Variants in SEL1L observed in about 807,000 individuals in gnomAD.
SEL1L encodes the protein SEL1L adaptor subunit of SYVN1 ubiquitin ligase.
A neutral mutation model predicts 109.8 loss-of-function variants in SEL1L; 52 were observed. The observed-to-expected ratio is 0.47, with a 90% CI of 0.38 to 0.60. The LOEUF (loss-of-function observed/expected upper bound fraction) is 0.60, where lower values mean the gene tolerates loss of function less well. Among genes scored for constraint, SEL1L ranks in the 20% least tolerant of loss-of-function variants. The pLI is 0.00. For synonymous variants in SEL1L, 373 were observed against 339.6 expected (o/e 1.10, Z -1.08); for missense variants, 749 against 962.2 (o/e 0.78, Z 2.93).
At chr14:81,523,629 T>C (rs549637399) in intron 3 of SEL1L, among the ~76,000 whole-genome samples, 2 of 152,218 alleles carry the variant, frequency 1.3e-5, no homozygotes, top group East Asian at 1.9e-4. Context: ...AGCCAGTCTG[T>C]CAGAAGCACA....
chr14:81,532,870 C>T (rs1670159691), intron 1 of SEL1L, among the ~76,000 whole-genome samples: 1 of 152,086 alleles, frequency 6.6e-6, no homozygotes, highest in East Asian at 1.9e-4. Context: ...TTTATCAACA[C>T]TTAGAAACAC....
chr14:81,508,409 T>A (rs1884328042), intron 3 of SEL1L, among the ~76,000 whole-genome samples: 1 of 152,088 alleles, frequency 6.6e-6, no homozygotes, highest in Admixed American at 6.6e-5. Flanking sequence ...AGGACATCCC[T>A]ATACACTGCT....
intron 3 of SEL1L, among the ~76,000 whole-genome samples, chr14:81,525,508 T>C (rs2140059264): frequency 6.6e-6 from 1 of 152,032 alleles, no homozygotes; most frequent in East Asian, 1.9e-4. Flanking sequence ...AATACACACT[T>C]GGGTGAGGTA....
At chr14:81,533,548 G>A (rs1479059662) in intron 1 of SEL1L, 127 bp downstream of exon 1, 5 of 857,226 alleles carry the variant, frequency 5.8e-6, no homozygotes, top group Non-Finnish European at 5.5e-6. Flanking sequence ...AAGAGCGAGT[G>A]ACAGCCCAGT....
intron 20 of SEL1L, among the ~76,000 whole-genome samples, chr14:81,478,572 CT>C (rs1426286296): frequency 1.3e-5 from 2 of 152,148 alleles, no homozygotes; most frequent in African/African-American, 4.8e-5. Context: ...ACACGATCAG[CT>C]TTTAATTAAA....
At chr14:81,504,006 A>G (rs1884125237) in intron 5 of SEL1L, among the ~76,000 whole-genome samples, 195 bp downstream of exon 5, 2 of 152,208 alleles carry the variant, frequency 1.3e-5, no homozygotes, top group South Asian at 2.1e-4. Context: ...TGTAATCAGT[A>G]TAACAATTTT....
At position 81,472,132 on chromosome 14, in the gene SEL1L, A is replaced by C. The variant is rs1231036563; in HGVS notation, c.*4840T>G. 3 of 153,662 alleles carry C rather than the reference A, an allele frequency of 2.0e-5. No individual in the cohort carries two copies. The highest frequency in any genetic ancestry group is 4.3e-5 in the Non-Finnish European group (3 of 68,990). 9.5% of individuals were successfully genotyped at this position (153,662 alleles called of 1,614,324 possible). ...ATCAAGTTGCAGCCAATGAAGATGG[A>C]GGACATTCTAATGACTTGCCAGAAA... On this transcript the variant is annotated 3_prime_UTR_variant, in exon 21 of 21. Coordinates refer to ENST00000336735, the MANE Select transcript of SEL1L (RefSeq NM_005065.6).
intron 12 of SEL1L, among the ~76,000 whole-genome samples, chr14:81,491,566 G>C (rs1883537504): frequency 6.6e-6 from 1 of 152,188 alleles, no homozygotes; most frequent in East Asian, 1.9e-4. Context: ...GTATGATCAT[G>C]AGGCAAATCA....
Position 81,472,749 on chromosome 14 carries a change from G to A in SEL1L, c.*4223C>T, listed in dbSNP as rs911469111. The A allele has an allele frequency of 2.4e-5, 4 of 166,098 alleles. No homozygotes were observed. Among genetic ancestry groups the A allele is most frequent in the African/African-American group, 9.6e-5 (4 of 41,604 alleles). The allele number at this position is 166,098 out of a possible 1,614,324, so 10.3% of individuals were successfully genotyped here. A position where few individuals can be genotyped will look rare whatever the true frequency, so the allele number is the denominator to read the frequency against. On this transcript the variant is annotated 3_prime_UTR_variant, in exon 21 of 21. Transcript: ENST00000336735. The stretch of plus-strand genomic sequence containing the variant: ...TTCTCCCTAGGGCAATATTGGACTT[G>A]TAAAAATCTGAATTTCAGGAGTTTA...
In SEL1L at chr14:81,526,856, G is replaced by T; in HGVS notation, c.217C>A (p.Gln73Lys). Reference sequence around the variant, plus strand: ...CTCTTGAGGCTGTCTTCCTCTTCTTGAATAGAGGATTCTAATTCAGATTCT... The same window carrying T: ...CTCTTGAGGCTGTCTTCCTCTTCTTTAATAGAGGATTCTAATTCAGATTCT... ...SEESELESSI[Q>K]EEEDSLKSQE... is the part of the protein sequence containing the mutation. The change falls in exon 3 of 21, where the codon CAA becomes AAA. Residue 73 changes from glutamine to lysine, a missense_variant. Physicochemically the swap from Gln to Lys is moderately conservative, Grantham distance 53. Transcript: ENST00000336735. The T allele has an allele frequency of 6.2e-7, 1 of 1,600,590 alleles. No individual in the cohort carries two copies. The highest frequency in any genetic ancestry group is 8.5e-7 in the Non-Finnish European group (1 of 1,175,044).
chr14:81,530,525 T>C (rs1377898322), intron 1 of SEL1L, among the ~76,000 whole-genome samples: 3 of 152,036 alleles, frequency 2.0e-5, no homozygotes, highest in Non-Finnish European at 2.9e-5. Flanking sequence ...TACCTGGCAG[T>C]GGACCTAACT....
intron 13 of SEL1L, 115 bp downstream of exon 13, chr14:81,490,273 G>C: frequency 1.4e-6 from 1 of 739,486 alleles, no homozygotes; most frequent in African/African-American, 1.8e-5. Flanking sequence ...TTAATATGCA[G>C]TTTCAATAAT....
At position 81,476,930 on chromosome 14, in the gene SEL1L, A is replaced by G. The variant is rs1244585722; in HGVS notation, c.*42T>C. 7 of 1,599,000 alleles carry G rather than the reference A, an allele frequency of 4.4e-6. No individual in the cohort carries two copies. Among genetic ancestry groups the G allele is most frequent in the Non-Finnish European group, 6.0e-6 (7 of 1,168,508 alleles). ...CAAATGCAAGTGTTCCCAGCAGATA[A>G]CTTCCTTCGCTGTCACTGATCAAGG... On this transcript the variant is annotated 3_prime_UTR_variant, in exon 21 of 21. Coordinates refer to ENST00000336735, the MANE Select transcript of SEL1L (RefSeq NM_005065.6).
rs1284833864 is a variant in SEL1L at position 81,486,379 on chromosome 14, C to T, written c.1708G>A (p.Asp570Asn). The change falls in exon 17 of 21, where the codon GAT becomes AAT. Residue 570 changes from aspartate (D) to asparagine (N), a missense_variant. Physicochemically the swap from Asp to Asn is conservative, Grantham distance 23 (BLOSUM62 1). Transcript: ENST00000336735. ...TACTGGATCACTGCAGCATTGTAAT[C>T]GCCATCTTTATAGCTGTTATAGGCA... ...MTAYNSYKDG[D>N]YNAAVIQYLL... 16 of 1,614,086 alleles carry T rather than the reference C, an allele frequency of 9.9e-6. No homozygotes were observed. Among genetic ancestry groups the T allele is most frequent in the Non-Finnish European group, 1.4e-5 (16 of 1,180,000 alleles).
chr14:81,497,412 A>C (rs371156749), intron 10 of SEL1L, among the ~76,000 whole-genome samples: 138 of 152,388 alleles, frequency 9.1e-4, no homozygotes, highest in African/African-American at 3.2e-3. Context: ...AACTTCCATT[A>C]AACGAGCTTA....
At chr14:81,510,668 A>G (rs1032377697) in intron 3 of SEL1L, among the ~76,000 whole-genome samples, 1 of 152,114 alleles carries the variant, frequency 6.6e-6, no homozygotes, top group Non-Finnish European at 1.5e-5. Context: ...CATTTTAAGA[A>G]CTTTTACAGT....
At chr14:81,502,608 G>T (rs1322648155) in intron 6 of SEL1L, 113 bp downstream of exon 6, 15 of 1,033,090 alleles carry the variant, frequency 1.5e-5, no homozygotes, top group Non-Finnish European at 2.1e-5. Context: ...CACAAAATTG[G>T]TATTTATCTT....
rs559997162 is a variant in SEL1L at position 81,484,595 on chromosome 14, A to C, written c.1874-198T>G. 1.8e-5 allele frequency: 9 copies of C among 487,848 alleles called. No individual in the cohort carries two copies. In the East Asian group the frequency reaches 2.3e-4, roughly 12 times the overall value. The allele number at this position is 487,848 out of a possible 1,614,324, so 30.2% of individuals were successfully genotyped here. A position where few individuals can be genotyped will look rare whatever the true frequency, so the allele number is the denominator to read the frequency against. ...AACTAGAAGTGTAGCTCTTCTGCAG[A>C]AGGCTTTGGAATACAGAGAGGTAAA... On this transcript the variant is annotated intron_variant, in intron 18 of 20. Transcript: ENST00000336735.
chr14:81,488,082 T>C, intron 14 of SEL1L, 140 bp from the exon 15 acceptor site: 1 of 601,674 alleles, frequency 1.7e-6, no homozygotes, highest in South Asian at 2.2e-5. Flanking sequence ...TTCTAATTCT[T>C]ATAATAGATA....
Sources: allele counts gnomAD v4.1 joint callset (sites outside exome capture counted in the v4.1 genomes callset), GRCh38; gene constraint gnomAD v4.1.1; transcripts MANE v1.5; gene names NCBI Gene and HGNC (gene_info 2026-07-23, HGNC 2026-07-21).